Variants in ADAMTS15 observed in about 807,000 individuals in gnomAD.
ADAMTS15 encodes A disintegrin and metalloproteinase with thrombospondin motifs 15.
In ADAMTS15, 35 loss-of-function variants were observed where a neutral mutation model predicts 79.1. The ratio of observed to expected loss-of-function variants is 0.44; its 90% CI spans 0.34 to 0.59. The LOEUF (loss-of-function observed/expected upper bound fraction) is 0.59. ADAMTS15 is among the 20% of genes least tolerant of loss of function. The pLI, the probability that ADAMTS15 is intolerant of heterozygous loss-of-function variation, is 0.02. For synonymous variants in ADAMTS15, 616 were observed against 567.3 expected (o/e 1.09, Z -1.22); for missense variants, 1,324 against 1,318.7 (o/e 1.00, Z -0.06).
At position 130,471,038 on chromosome 11, in the gene ADAMTS15, G is replaced by A. The variant is rs1188145696; in HGVS notation, c.1839G>A (p.Arg613=). 1 of 1,613,706 alleles carries A rather than the reference G, an allele frequency of 6.2e-7. No homozygotes were observed. The highest frequency in any genetic ancestry group is 8.5e-7 in the Non-Finnish European group (1 of 1,180,024). ...WVPKYSGVSP[R]DKCKLICRAN... ...CCAAGTACTCCGGCGTGTCTCCCCG[G>A]GACAAGTGCAAGCTCATCTGCCGAG... The change falls in exon 6 of 8, where the codon CGG becomes CGA. Residue 613 remains arginine, a synonymous_variant. Coordinates refer to ENST00000299164, the MANE Select transcript of ADAMTS15 (RefSeq NM_139055.4).
intron 4 of ADAMTS15, among the ~76,000 whole-genome samples, chr11:130,467,287 G>T (rs1938321438): frequency 6.6e-6 from 1 of 152,106 alleles, no homozygotes; most frequent in African/African-American, 2.4e-5. Context: ...TCTGGGGTGT[G>T]ATGGGGACAA....
intron 1 of ADAMTS15, among the ~76,000 whole-genome samples, chr11:130,455,616 C>T (rs959424448): frequency 6.6e-6 from 1 of 152,174 alleles, no homozygotes; most frequent in Non-Finnish European, 1.5e-5. Context: ...GGCGGTCAGG[C>T]TGCAGGGTTG....
chr11:130,459,865 C>T (rs1459314628), intron 1 of ADAMTS15, among the ~76,000 whole-genome samples: 1 of 152,248 alleles, frequency 6.6e-6, no homozygotes, highest in African/African-American at 2.4e-5. Context: ...GCTCCTGGCT[C>T]CCTGCGCTGT....
intron 7 of ADAMTS15, among the ~76,000 whole-genome samples, chr11:130,471,837 T>C (rs967498114): frequency 6.6e-5 from 10 of 152,220 alleles, no homozygotes. Flanking sequence ...AGGGAGTTAG[T>C]CCAAGTAACA....
chr11:130,465,745 T>C (rs1454511700), intron 4 of ADAMTS15, among the ~76,000 whole-genome samples: 2 of 152,074 alleles, frequency 1.3e-5, no homozygotes, highest in African/African-American at 4.8e-5. Flanking sequence ...CCCAGAGCTC[T>C]GGGCCCTGGA....
Position 130,471,307 on chromosome 11 carries a change from A to G in ADAMTS15, c.2002A>G (p.Arg668Gly), listed in dbSNP as rs1330539282. 1 of 1,612,998 alleles carries G rather than the reference A, an allele frequency of 6.2e-7. No individual in the cohort carries two copies. The highest frequency in any genetic ancestry group is 1.1e-5 in the South Asian group (1 of 90,894). ...TGATGGGAACCTGGGCTCCAAGAAG[A>G]GATTCGACAAGTGTGGGGTGTGTGG... The part of the protein sequence containing the change: ...GCDGNLGSKK[R>G]FDKCGVCGGD... Residue 668 changes from arginine (R) to glycine (G), a missense_variant, in exon 7 of 8, where the codon AGA becomes GGA. Coordinates refer to ENST00000299164, the MANE Select transcript of ADAMTS15 (RefSeq NM_139055.4).
chr11:130,450,413 C>T (rs1014687967), intron 1 of ADAMTS15: 1 of 985,310 alleles, frequency 1.0e-6, no homozygotes, highest in African/African-American at 1.7e-5. Flanking sequence ...CTACATTTCT[C>T]TCGGGTAACA....
intron 5 of ADAMTS15, among the ~76,000 whole-genome samples, chr11:130,470,174 A>ATG (rs1289613690): frequency 1.6e-5 from 1 of 63,598 alleles, no homozygotes; most frequent in African/African-American, 1.0e-4. Context: ...ATATATATAT[A>ATG]TATATATGTG....
chr11:130,472,994 G>A lies in ADAMTS15; in HGVS notation c.2079-53G>A. On this transcript the variant is annotated intron_variant, in intron 7 of 7. Coordinates refer to ENST00000299164, the MANE Select transcript of ADAMTS15 (RefSeq NM_139055.4). The surrounding 1 kb of genome is among the most constrained non-coding windows in gnomAD (Gnocchi z 4.7). ...GAGGAAAACAGATCCTGGAGCATAA[G>A]GTCCTCAGGTCCAGGCTTCTATCTG... 1 of 1,585,850 alleles carries A rather than the reference G, an allele frequency of 6.3e-7. No homozygotes were observed. The highest frequency in any genetic ancestry group is 8.6e-7 in the Non-Finnish European group (1 of 1,164,876).
rs1295523786 is a variant in ADAMTS15 at position 130,448,998 on chromosome 11, C to T, written c.25C>T (p.Leu9=). The change falls in exon 1 of 8, where the codon CTG becomes TTG. Residue 9 remains leucine (L), a synonymous_variant. Transcript: ENST00000299164. MLLLGILT[L]AFAGRTAGGS... ...CATGCTTCTGCTGGGCATCCTAACC[C>T]TGGCTTTCGCCGGGCGAACCGCTGG... The T allele has an allele frequency of 6.6e-7, 1 of 1,509,670 alleles. No individual in the cohort carries two copies. The highest frequency in any genetic ancestry group is 1.4e-5 in the South Asian group (1 of 72,558). The allele number at this position is 1,509,670 out of a possible 1,614,324, so 93.5% of individuals were successfully genotyped here.
chr11:130,469,909 A>AT (rs1346825150), intron 5 of ADAMTS15, among the ~76,000 whole-genome samples: 1 of 151,668 alleles, frequency 6.6e-6, no homozygotes, highest in African/African-American at 2.4e-5. Flanking sequence ...AGAAATTAGT[A>AT]TTTTTTTAAC....
rs758662556 is a variant in ADAMTS15, at chr11:130,473,892, C to T, written c.*71C>T. On this transcript the variant is annotated 3_prime_UTR_variant, in exon 8 of 8. Coordinates refer to ENST00000299164, the MANE Select transcript of ADAMTS15 (RefSeq NM_139055.4). ...GCCAGCGTTCTGCCAGCTGGAGTAG[C>T]GGGCAGAGGACGGTGGCCAGGGGCT... 3.5e-5 allele frequency: 52 copies of T among 1,487,938 alleles called. No homozygotes were observed. Among genetic ancestry groups the T allele is most frequent in the South Asian group, 1.2e-4 (9 of 75,462 alleles). The allele number at this position is 1,487,938 out of a possible 1,614,324, so 92.2% of individuals were successfully genotyped here.
chr11:130,464,720 A>T (rs532927796), intron 4 of ADAMTS15, among the ~76,000 whole-genome samples: 2 of 152,252 alleles, frequency 1.3e-5, no homozygotes, highest in Admixed American at 1.3e-4. Flanking sequence ...TAATCTCAGC[A>T]CTTTGGGAGG....
intron 5 of ADAMTS15, among the ~76,000 whole-genome samples, chr11:130,470,186 G>GTATATATATATATATATATA (rs1421284406): frequency 1.5e-5 from 1 of 67,178 alleles, no homozygotes; most frequent in Non-Finnish European, 2.6e-5. Context: ...ATATATGTGT[G>GTATATATATATATATATATA]TATATATATA....
At chr11:130,465,345 A>G (rs1422498619) in intron 4 of ADAMTS15, among the ~76,000 whole-genome samples, 2 of 152,116 alleles carry the variant, frequency 1.3e-5, no homozygotes. Context: ...CGGGAACCCC[A>G]TCCCCTCTCG....
chr11:130,459,209 A>T (rs894260056), intron 1 of ADAMTS15, among the ~76,000 whole-genome samples: 1 of 151,890 alleles, frequency 6.6e-6, no homozygotes, highest in African/African-American at 2.4e-5. Context: ...CAAATACAAA[A>T]ATTAGCTGAG....
intron 1 of ADAMTS15, among the ~76,000 whole-genome samples, chr11:130,460,507 C>A (rs1938177545): frequency 6.6e-6 from 1 of 152,136 alleles, no homozygotes; most frequent in African/African-American, 2.4e-5. Flanking sequence ...GAGCTCCTGA[C>A]TTCAGGTGAT....
intron 4 of ADAMTS15, among the ~76,000 whole-genome samples, chr11:130,463,230 C>G (rs1307161561): frequency 1.3e-5 from 2 of 152,238 alleles, no homozygotes; most frequent in Non-Finnish European, 2.9e-5. Context: ...GGGCTCAGAG[C>G]TGCAATGAAG....
chr11:130,470,943 G>A lies in ADAMTS15; in HGVS notation c.1744G>A (p.Glu582Lys). ...AGCCTCCGGAAAGAGCTTCCGGGAG[G>A]AGCAGTGTGAGGCTTTCAACGGCTA... ...SSASGKSFREEQCEAFNGYNH... is the reference protein window; with the variant it reads ...SSASGKSFREKQCEAFNGYNH... Residue 582 changes from glutamate to lysine, a missense_variant, in exon 6 of 8, where the codon GAG becomes AAG. Physicochemically the swap from Glu to Lys is moderately conservative, Grantham distance 56. Transcript: ENST00000299164. The A allele has an allele frequency of 5.0e-6, 8 of 1,613,720 alleles. No homozygotes were observed. Among genetic ancestry groups the A allele is most frequent in the Non-Finnish European group, 6.8e-6 (8 of 1,180,004 alleles).
Sources: gnomAD v4.1 joint callset for allele counts (sites outside exome capture counted in the v4.1 genomes callset) on GRCh38, gnomAD v4.1.1 for gene constraint, Gnocchi (gnomAD v3.1) non-coding constraint, MANE v1.5 for transcripts, NCBI Gene and HGNC (gene_info 2026-07-23, HGNC 2026-07-21) for gene names.